The following DNAI1 variants were observed in gnomAD, a reference collection of about 807,000 sequenced individuals.
DNAI1 encodes the protein dynein axonemal intermediate chain 1.
In DNAI1, 67 loss-of-function variants were observed where a neutral mutation model predicts 92.0. That is an observed-to-expected ratio of 0.73 (90% CI 0.60 to 0.89). The LOEUF (loss-of-function observed/expected upper bound fraction) is 0.89, where lower values mean the gene tolerates loss of function less well. DNAI1 is among the 40% of genes least tolerant of loss of function. The pLI, the probability that DNAI1 is intolerant of heterozygous loss-of-function variation, is 0.00. For missense variants in DNAI1, 839 were observed against 866.6 expected, an observed-to-expected ratio of 0.97 and a Z score of 0.40; for synonymous variants, 323 against 319.6, an observed-to-expected ratio of 1.01 and a Z score of -0.11.
chr9:34,519,893 G>A (rs2132088893), intron 19 of DNAI1, among the ~76,000 whole-genome samples: 1 of 152,298 alleles, frequency 6.6e-6, no homozygotes, highest in Non-Finnish European at 1.5e-5. Flanking sequence ...GGGAGGGTGG[G>A]ACTGGTGCTG....
At chr9:34,472,455 G>A (rs928041721) in intron 1 of DNAI1, among the ~76,000 whole-genome samples, 7 of 152,182 alleles carry the variant, frequency 4.6e-5, no homozygotes, top group African/African-American at 1.7e-4. Context: ...GCCCTCCTGT[G>A]TTTCCAGGGA....
chr9:34,474,050 G>A (rs1824192858), intron 1 of DNAI1, among the ~76,000 whole-genome samples: 2 of 151,820 alleles, frequency 1.3e-5, no homozygotes, highest in South Asian at 2.1e-4. Context: ...ATTTACTATT[G>A]TACGATAGTT....
chr9:34,509,332 G>A (rs1039002653), intron 13 of DNAI1, among the ~76,000 whole-genome samples: 2 of 152,136 alleles, frequency 1.3e-5, no homozygotes, highest in African/African-American at 2.4e-5. Context: ...GAAGTGACAC[G>A]TCATTTGAAG....
In DNAI1 at chr9:34,500,719, A is replaced by G. The variant is rs1824812585; in HGVS notation, c.902-3A>G. 1 of 1,610,978 alleles carries G rather than the reference A, an allele frequency of 6.2e-7. No homozygotes were observed. Among genetic ancestry groups the G allele is most frequent in the Admixed American group, 1.7e-5 (1 of 59,936 alleles). On this transcript the variant is annotated splice_region_variant and splice_polypyrimidine_tract_variant and intron_variant, in intron 10 of 19. Coordinates refer to ENST00000242317, the MANE Select transcript of DNAI1 (RefSeq NM_012144.4). ...GGGCTGACTCTGCCTGTGTGTGTTT[A>G]AGATTTTAAGTACTATGACGATGCT...
At chr9:34,459,082 A>G (rs1191248265) in intron 1 of DNAI1, 29 bp downstream of exon 1, 11 of 1,607,642 alleles carry the variant, frequency 6.8e-6, no homozygotes, top group Non-Finnish European at 8.5e-6. Context: ...CCTTCTGATG[A>G]CCTCTGACCT....
intron 13 of DNAI1, among the ~76,000 whole-genome samples, chr9:34,507,676 C>T (rs908851485): frequency 6.6e-6 from 1 of 152,206 alleles, no homozygotes; most frequent in Admixed American, 6.5e-5. Flanking sequence ...TACAAGCTTC[C>T]TCAACTCCGC....
Position 34,506,751 on chromosome 9 carries a change from C to T in DNAI1, c.1188C>T (p.Pro396=), listed in dbSNP as rs2132076864. 6.2e-7 allele frequency: 1 copy of T among 1,614,220 alleles called. No homozygotes were observed. The highest frequency in any genetic ancestry group is 8.5e-7 in the Non-Finnish European group (1 of 1,180,048). Residue 396 remains proline, a synonymous_variant, in exon 13 of 20, where the codon CCC becomes CCT. Transcript: ENST00000242317. The part of the protein sequence containing the change: ...VMCLDIHVDH[P]YLVAVGHYDG... ...GTCTCGACATCCACGTGGACCACCC[C>T]TACCTGGTGGCAGTAGGCCACTATG...
chr9:34,468,469 G>A (rs576800690), intron 1 of DNAI1, among the ~76,000 whole-genome samples: 3 of 151,846 alleles, frequency 2.0e-5, no homozygotes, highest in South Asian at 4.2e-4. Context: ...GATTACAGGC[G>A]TGAGCCACCA....
intron 15 of DNAI1, 120 bp from the exon 16 acceptor site, chr9:34,512,992 T>TGTCCTGCGCTGA (rs987897670): frequency 3.6e-6 from 3 of 843,988 alleles, no homozygotes; most frequent in Non-Finnish European, 6.2e-6. Flanking sequence ...TAGTTCAGTC[T>TGTCCTGCGCTGA]GTCCTGCGCT....
chr9:34,459,652 C>T (rs995045705), intron 1 of DNAI1, among the ~76,000 whole-genome samples: 7 of 152,130 alleles, frequency 4.6e-5, no homozygotes, highest in African/African-American at 1.4e-4. Context: ...CCCCATGTTG[C>T]CCAGGCCCGT....
chr9:34,489,782 G>C (rs1045699582), intron 5 of DNAI1, among the ~76,000 whole-genome samples: 1 of 152,162 alleles, frequency 6.6e-6, no homozygotes, highest in Non-Finnish European at 1.5e-5. Flanking sequence ...CTGGGAGGCA[G>C]AGGTTGCAGT....
At chr9:34,518,092 T>C (rs896810763) in intron 19 of DNAI1, among the ~76,000 whole-genome samples, 6 of 152,222 alleles carry the variant, frequency 3.9e-5, no homozygotes, top group Non-Finnish European at 5.9e-5. Flanking sequence ...TCCAGACTTA[T>C]GAACCCAGGC....
chr9:34,506,591 A>C, intron 12 of DNAI1, 36 bp from the exon 13 acceptor site: 1 of 1,613,746 alleles, frequency 6.2e-7, no homozygotes, highest in African/African-American at 1.3e-5. Flanking sequence ...GGGCAGTTGG[A>C]TCCTCCAACC....
intron 14 of DNAI1, 55 bp downstream of exon 14, chr9:34,512,253 A>C: frequency 6.2e-7 from 1 of 1,611,606 alleles, no homozygotes; most frequent in East Asian, 2.2e-5. Context: ...CAGGGAGCTA[A>C]ATGGCAAAGG....
chr9:34,495,334 G>A (rs1252069502), intron 9 of DNAI1, among the ~76,000 whole-genome samples: 1 of 152,154 alleles, frequency 6.6e-6, no homozygotes, highest in African/African-American at 2.4e-5. Flanking sequence ...TCAGACTGGG[G>A]AGGCACTGGC....
Position 34,513,050 on chromosome 9 carries a change from G to A in DNAI1, c.1490-62G>A, listed in dbSNP as rs529251446. On this transcript the variant is annotated intron_variant, in intron 15 of 19. Coordinates refer to ENST00000242317, the MANE Select transcript of DNAI1 (RefSeq NM_012144.4). ...GGGCTGAGCTCCTCTGCTGAGTAGG[G>A]GAGGCACTGGGAGCCTCCCTCTTGG... is the stretch of plus-strand genomic sequence containing the variant. 8 of 1,321,376 alleles carry A rather than the reference G, an allele frequency of 6.1e-6. No individual in the cohort carries two copies. In the South Asian group the frequency reaches 7.0e-5, roughly 12 times the overall value. The allele number at this position is 1,321,376 out of a possible 1,614,324, so 81.9% of individuals were successfully genotyped here.
chr9:34,490,241 T>C, intron 6 of DNAI1, 117 bp downstream of exon 6: 1 of 1,606,648 alleles, frequency 6.2e-7, no homozygotes, highest in Non-Finnish European at 8.5e-7. Flanking sequence ...AGGCTGCAGG[T>C]GCCAATGTGT....
In DNAI1 at chr9:34,459,446, C is replaced by CTT. The variant is rs201022927; in HGVS notation, c.48+395_48+396dup. ...TTTTTCTTTTTCTTTTTCTTTCTTTCTTTCTTTTTTTTTTTTTGAGACAGA... is the reference window on the plus strand; with the variant it reads ...TTTTTCTTTTTCTTTTTCTTTCTTTCTTTTTCTTTTTTTTTTTTTGAGACAGA... On this transcript the variant is annotated intron_variant, in intron 1 of 19. Coordinates refer to ENST00000242317, the MANE Select transcript of DNAI1 (RefSeq NM_012144.4). Among the ~76,000 whole-genome samples, 69 of 147,110 alleles carry CTT rather than the reference C, an allele frequency of 4.7e-4. 1 individual carries two copies. Among genetic ancestry groups the CTT allele is most frequent in the East Asian group, 1.8e-3 (9 of 5,028 alleles).
intron 1 of DNAI1, among the ~76,000 whole-genome samples, chr9:34,482,787 G>T (rs574339879): frequency 1.3e-4 from 20 of 152,386 alleles, no homozygotes; most frequent in African/African-American, 4.3e-4. Context: ...TTGGGTGGTC[G>T]ATGGGACTGG....
Sources: allele counts gnomAD v4.1 joint callset (sites outside exome capture counted in the v4.1 genomes callset), GRCh38; gene constraint gnomAD v4.1.1; transcripts MANE v1.5; gene names NCBI Gene and HGNC (gene_info 2026-07-23, HGNC 2026-07-21).